The following EMC1 variants were observed in gnomAD, a reference collection of about 807,000 sequenced individuals.
The protein encoded by EMC1 is KIAA0090.
Under a neutral mutation model 128.8 loss-of-function variants are expected in EMC1, and 103 were observed. The observed-to-expected ratio is 0.80, with a 90% CI of 0.68 to 0.94. The LOEUF (loss-of-function observed/expected upper bound fraction) is 0.94. Among genes scored for constraint, EMC1 ranks in the 40% least tolerant of loss-of-function variants. The pLI is 0.00. For synonymous variants in EMC1, 442 were observed against 490.4 expected, an observed-to-expected ratio of 0.90 and a Z score of 1.30; for missense variants, 1,083 against 1,250.6, an observed-to-expected ratio of 0.87 and a Z score of 2.02.
chr1:19,243,901 G>A (rs1281173887), intron 3 of EMC1, 49 bp downstream of exon 3: 5 of 1,594,872 alleles, frequency 3.1e-6, no homozygotes, highest in African/African-American at 1.3e-5. Flanking sequence ...GCCAAGGAAT[G>A]GGACAGGGAG....
In EMC1 at chr1:19,243,730, G is replaced by A. The variant is rs201062447; in HGVS notation, c.287-23C>T. The A allele has an allele frequency of 1.9e-6, 3 of 1,610,144 alleles. No individual in the cohort carries two copies. In the East Asian group the frequency reaches 6.7e-5, roughly 36 times the overall value. On this transcript the variant is annotated intron_variant, in intron 3 of 22. Transcript: ENST00000477853. ...CATCTGGAAAAGAAAAGATCGTGGT[G>A]AAGTCATTTCCCACTTGCTCTGTCG...
Position 19,235,269 on chromosome 1 carries a change from T to C in EMC1, c.1310-17A>G. On this transcript the variant is annotated splice_polypyrimidine_tract_variant and intron_variant, in intron 12 of 22. Transcript: ENST00000477853. The stretch of plus-strand genomic sequence containing the variant: ...CCTTCCCTGCTACAGGAAACATTTT[T>C]ACAAAGCTAAGCCTGGGGCTGGGCA... The C allele has an allele frequency of 6.2e-7, 1 of 1,607,910 alleles. No homozygotes were observed. Among genetic ancestry groups the C allele is most frequent in the Non-Finnish European group, 8.5e-7 (1 of 1,176,816 alleles).
In EMC1 at chr1:19,220,781, G is replaced by T. The variant is rs1031396968; in HGVS notation, c.2655C>A (p.Ile885=). The T allele has an allele frequency of 1.2e-6, 2 of 1,613,734 alleles. No homozygotes were observed. The highest frequency in any genetic ancestry group is 1.7e-6 in the Non-Finnish European group (2 of 1,179,868). ...KALLDPRRPE[I]PTEQSREENL... is the part of the protein sequence containing the mutation. ...GGTCTCACCTGCTTTGTTCTGTTGG[G>T]ATCTCGGGGCGGCGGGGATCCAGCA... Residue 885 remains isoleucine (I), a synonymous_variant, in exon 21 of 23, where the codon ATC becomes ATA. Transcript: ENST00000477853.
Position 19,239,289 on chromosome 1 carries a change from C to A in EMC1, c.968G>T (p.Ser323Ile). Residue 323 changes from serine to isoleucine, a missense_variant, in exon 9 of 23, where the codon AGC becomes ATC. Coordinates refer to ENST00000477853, the MANE Select transcript of EMC1 (RefSeq NM_015047.3). The part of the protein sequence containing the change: ...LKNFPQTALV[S>I]FATTGEKTVA... ...CGTCTTCTCCCCAGTGGTGGCAAAG[C>A]TCACTAGGGCAGTCTGGGGGAAAAG... is the stretch of plus-strand genomic sequence containing the variant. 6.2e-7 allele frequency: 1 copy of A among 1,614,136 alleles called. No individual in the cohort carries two copies. The highest frequency in any genetic ancestry group is 8.5e-7 in the Non-Finnish European group (1 of 1,179,978).
chr1:19,249,870 G>A (rs1393185669), intron 1 of EMC1, among the ~76,000 whole-genome samples: 1 of 151,902 alleles, frequency 6.6e-6, no homozygotes, highest in Non-Finnish European at 1.5e-5. Context: ...AGTGAGCCAT[G>A]ATAGTACTGT....
At position 19,245,989 on chromosome 1, in the gene EMC1, T is replaced by C. The variant is rs917037768; in HGVS notation, c.96-959A>G. On this transcript the variant is annotated intron_variant, in intron 1 of 22. Transcript: ENST00000477853. ...CTCCTTTGTACTTGGTAGCCTACCA[T>C]GTGAGGCTAATAATTTTCTCGATTA... 1.6e-4 allele frequency among the ~76,000 whole-genome samples: 24 copies of C among 152,040 alleles called. 1 individual carries two copies. The highest frequency in any genetic ancestry group is 5.1e-4 in the African/African-American group (21 of 41,402).
chr1:19,218,678 A>T lies in EMC1; in HGVS notation c.*625T>A, dbSNP rs1222097438. On this transcript the variant is annotated 3_prime_UTR_variant, in exon 23 of 23. Transcript: ENST00000477853. Reference sequence around the variant, plus strand: ...TTGGTGGCCCAGCCTAATAAATGACAGCACGAAACTAGAGGTTTAAAGTAA... The same window carrying T: ...TTGGTGGCCCAGCCTAATAAATGACTGCACGAAACTAGAGGTTTAAAGTAA... The T allele has an allele frequency of 6.6e-6, 1 of 152,338 alleles. No homozygotes were observed. The highest frequency in any genetic ancestry group is 2.4e-5 in the African/African-American group (1 of 41,468). The allele number at this position is 152,338 out of a possible 1,614,324, so 9.4% of individuals were successfully genotyped here.
intron 2 of EMC1, among the ~76,000 whole-genome samples, chr1:19,244,329 T>C (rs1307776360): frequency 6.6e-6 from 1 of 152,216 alleles, no homozygotes; most frequent in African/African-American, 2.4e-5. Context: ...CTTATTTTAG[T>C]GCCTAAAAAC....
intron 4 of EMC1, among the ~76,000 whole-genome samples, chr1:19,243,034 G>C (rs920415941): frequency 1.3e-5 from 2 of 152,102 alleles, no homozygotes; most frequent in Non-Finnish European, 2.9e-5. Context: ...TCAGGAGTTC[G>C]AGACCAGCCT....
chr1:19,251,425 T>G lies in EMC1; in HGVS notation c.85A>C (p.Lys29Gln). The part of the protein sequence containing the change: ...AAAVYEDQVG[K>Q]FDWRQQYVGK... ...TCCACACGTACGCACCAATCAAACTTGCCCACTTGGTCTTCGTAGACCGCG... is the reference window on the plus strand; with the variant it reads ...TCCACACGTACGCACCAATCAAACTGGCCCACTTGGTCTTCGTAGACCGCG... The change falls in exon 1 of 23, where the codon AAG becomes CAG. Residue 29 changes from lysine to glutamine, a missense_variant. Lys to Gln is a moderately conservative substitution (Grantham distance 53). Coordinates refer to ENST00000477853, the MANE Select transcript of EMC1 (RefSeq NM_015047.3). 6.2e-7 allele frequency: 1 copy of G among 1,614,090 alleles called. No homozygotes were observed. The highest frequency in any genetic ancestry group is 8.5e-7 in the Non-Finnish European group (1 of 1,179,992).
rs779890072 is a variant in EMC1, at chr1:19,238,040, G to C, written c.1189C>G (p.Gln397Glu). The change falls in exon 11 of 23, where the codon CAG becomes GAG. Residue 397 changes from glutamine to glutamate, a missense_variant. Coordinates refer to ENST00000477853, the MANE Select transcript of EMC1 (RefSeq NM_015047.3). ...ACCCGCTCAGGCCGAGTGCCGCTCT[G>C]TTCCAGGCTAAATGTTATCGTGGTG... ...LDTTITFSLEQSGTRPERLYI... is the reference protein window; with the variant it reads ...LDTTITFSLEESGTRPERLYI... 9.3e-6 allele frequency: 15 copies of C among 1,614,002 alleles called. No individual in the cohort carries two copies. Among genetic ancestry groups the C allele is most frequent in the Non-Finnish European group, 8.5e-7 (1 of 1,179,956 alleles).
At chr1:19,223,896 C>T (rs537696289) in intron 18 of EMC1, among the ~76,000 whole-genome samples, 27 of 152,286 alleles carry the variant, frequency 1.8e-4, no homozygotes, top group Non-Finnish European at 3.7e-4. Context: ...AAGACAAAAT[C>T]CAGGTCTGCC....
In EMC1 at chr1:19,223,572, G is replaced by GGA. The variant is rs762792538; in HGVS notation, c.2203-5_2203-4dup. On this transcript the variant is annotated splice_polypyrimidine_tract_variant and splice_region_variant and intron_variant, in intron 18 of 22. Transcript: ENST00000477853. ...GCCAGCAGGTTGGGGTTCAGGCTCT[G>GGA]GAGAGAGAGAGAAAACCTCCCTTAG... The GGA allele has an allele frequency of 1.9e-6, 3 of 1,613,142 alleles. No individual in the cohort carries two copies. The highest frequency in any genetic ancestry group is 3.3e-5 in the Admixed American group (2 of 59,984).
At chr1:19,244,655 T>C in intron 2 of EMC1, 2 of 356,158 alleles carry the variant, frequency 5.6e-6, no homozygotes, top group Admixed American at 4.2e-5. Context: ...TCCTCCCGCC[T>C]GGGCTTGCAG....
intron 10 of EMC1, among the ~76,000 whole-genome samples, 155 bp from the exon 11 acceptor site, chr1:19,238,294 A>T (rs745852043): frequency 7.9e-5 from 12 of 152,240 alleles, no homozygotes; most frequent in Admixed American, 5.9e-4. Context: ...AAGCAAGCTA[A>T]ATCCTAAGGC....
intron 21 of EMC1, 92 bp from the exon 22 acceptor site, chr1:19,219,790 A>G: frequency 6.9e-7 from 1 of 1,458,724 alleles, no homozygotes; most frequent in Non-Finnish European, 9.5e-7. Context: ...TTTCCAGGCT[A>G]CATATCTAGC....
chr1:19,241,869 TC>T (rs1189191792), intron 5 of EMC1, among the ~76,000 whole-genome samples: 1 of 152,122 alleles, frequency 6.6e-6, no homozygotes, highest in Non-Finnish European at 1.5e-5. Flanking sequence ...TCTAAGTAGA[TC>T]CTTTTATCTT....
rs189732480 is a variant in EMC1 at position 19,225,744 on chromosome 1, G to A, written c.2202+1569C>T. ...TGAGATGGGAGGACTGCTTAAGCCCGGGAGGTCAAAGCTGCAGTGAGCTGT... is the reference window on the plus strand; with the variant it reads ...TGAGATGGGAGGACTGCTTAAGCCCAGGAGGTCAAAGCTGCAGTGAGCTGT... On this transcript the variant is annotated intron_variant, in intron 18 of 22. Transcript: ENST00000477853. Among the ~76,000 whole-genome samples the A allele has an allele frequency of 5.8e-3, 878 of 151,894 alleles. 4 individuals carry two copies. Among genetic ancestry groups the A allele is most frequent in the Non-Finnish European group, 8.9e-3 (607 of 67,928 alleles).
intron 21 of EMC1, 89 bp from the exon 22 acceptor site, chr1:19,219,787 G>A: frequency 6.8e-7 from 1 of 1,478,230 alleles, no homozygotes; most frequent in Non-Finnish European, 9.4e-7. Flanking sequence ...AGGTTTCCAG[G>A]CTACATATCT....
Sources: gnomAD v4.1 joint callset for allele counts (sites outside exome capture counted in the v4.1 genomes callset) on GRCh38, gnomAD v4.1.1 for gene constraint, MANE v1.5 for transcripts, NCBI Gene and HGNC (gene_info 2026-07-23, HGNC 2026-07-21) for gene names.